GJA5: variants seen among roughly 807,000 people sequenced by gnomAD.
GJA5 encodes gap junction protein alpha 5.
Under a neutral mutation model 7.9 loss-of-function variants are expected in GJA5, and 3 were observed. The ratio of observed to expected loss-of-function variants is 0.38; its 90% CI spans 0.17 to 0.99. GJA5 has a LOEUF of 0.99. Among genes scored for constraint, GJA5 ranks in the 50% least tolerant of loss-of-function variants. The probability of loss-of-function intolerance (pLI) is 0.38; values close to 1 mark genes in which losing one functional copy is unlikely to be tolerated. For synonymous variants in GJA5, 193 were observed against 181.0 expected, an observed-to-expected ratio of 1.07 and a Z score of -0.53; for missense variants, 390 against 457.9, an observed-to-expected ratio of 0.85 and a Z score of 1.35.
chr1:147,771,386 G>C (rs1226243303), intron 1 of GJA5, among the ~76,000 whole-genome samples: 1 of 152,150 alleles, frequency 6.6e-6, no homozygotes, highest in Non-Finnish European at 1.5e-5. Flanking sequence ...GAGCAGGGCA[G>C]GGTGCTCTCC....
chr1:147,758,271 A>G lies in GJA5; in HGVS notation c.968T>C (p.Val323Ala). The G allele has an allele frequency of 6.2e-6, 10 of 1,614,046 alleles. No homozygotes were observed. Among genetic ancestry groups the G allele is most frequent in the East Asian group, 2.2e-5 (1 of 44,868 alleles). Residue 323 changes from valine to alanine, a missense_variant, in exon 2 of 2, where the codon GTG becomes GCG. Val to Ala is a moderately conservative substitution (Grantham distance 64). This residue lies in a region of GJA5 where 354 missense variants were observed against 370.9 expected (regional missense o/e 0.95). Coordinates refer to ENST00000579774, the MANE Select transcript of GJA5 (RefSeq NM_181703.4). ...IQVRYGQKPE[V>A]PNGVSPGHRL... is the part of the protein sequence containing the mutation. ...GTGACCTGGTGAGACTCCATTGGGC[A>G]CCTCAGGCTTCTGGCCATAACGAAC...
At chr1:147,765,848 T>C (rs1557948206) in intron 1 of GJA5, among the ~76,000 whole-genome samples, 1 of 152,092 alleles carries the variant, frequency 6.6e-6, no homozygotes, top group Non-Finnish European at 1.5e-5. Flanking sequence ...AGTCTTTTAG[T>C]AGTGGCTGCA....
intron 1 of GJA5, among the ~76,000 whole-genome samples, chr1:147,759,857 T>C (rs1404499495): frequency 6.6e-6 from 1 of 152,214 alleles, no homozygotes; most frequent in African/African-American, 2.4e-5. Flanking sequence ...AATGTTTAAA[T>C]GGCTGTTGGA....
chr1:147,758,866 A>G lies in GJA5; in HGVS notation c.373T>C (p.Tyr125His), dbSNP rs1553227016. The change falls in exon 2 of 2, where the codon TAC becomes CAC. Residue 125 changes from tyrosine (Y) to histidine (H), a missense_variant. Tyr to His is a moderately conservative substitution (Grantham distance 83). This residue lies in a region of GJA5 where 354 missense variants were observed against 370.9 expected (regional missense o/e 0.95). Coordinates refer to ENST00000579774, the MANE Select transcript of GJA5 (RefSeq NM_181703.4). ...AGTTCTGCCTTCTCTGCCACCGGGTACTCGTAAGAGCCAGAGCCCCGGACC... is the reference window on the plus strand; with the variant it reads ...AGTTCTGCCTTCTCTGCCACCGGGTGCTCGTAAGAGCCAGAGCCCCGGACC... ...KEVRGSGSYE[Y>H]PVAEKAELSC... 3 of 1,614,044 alleles carry G rather than the reference A, an allele frequency of 1.9e-6. No individual in the cohort carries two copies. The highest frequency in any genetic ancestry group is 2.5e-6 in the Non-Finnish European group (3 of 1,179,984).
chr1:147,765,017 G>A (rs1419006135), upstream of GJA5, among the ~76,000 whole-genome samples: 1 of 151,958 alleles, frequency 6.6e-6, no homozygotes, highest in Non-Finnish European at 1.5e-5. Flanking sequence ...GAAAATGTTT[G>A]GCTAGCAGTA....
At chr1:147,763,804 C>T (rs1664103678), upstream of GJA5, among the ~76,000 whole-genome samples, 2 of 55,148 alleles carry the variant, frequency 3.6e-5, no homozygotes, top group Non-Finnish European at 6.7e-5. Context: ...CATTCTGAAT[C>T]CAGTGCTTCT....
At chr1:147,767,225 C>A (rs1465040180) in intron 1 of GJA5, among the ~76,000 whole-genome samples, 1 of 152,030 alleles carries the variant, frequency 6.6e-6, no homozygotes, top group Non-Finnish European at 1.5e-5. Context: ...CTAGTTTACC[C>A]AGTTACACAC....
Position 147,759,286 on chromosome 1 carries a change from G to T in GJA5, c.-33-15C>A. 1 of 1,160,068 alleles carries T rather than the reference G, an allele frequency of 8.6e-7. No homozygotes were observed. Among genetic ancestry groups the T allele is most frequent in the Non-Finnish European group, 1.3e-6 (1 of 770,096 alleles). The allele number at this position is 1,160,068 out of a possible 1,614,324, so 71.9% of individuals were successfully genotyped here. Reference sequence around the variant, plus strand: ...TGCCAAAACTTCTGCAAATGGGAGAGAGAGAAAGAGAGAAAAGAAGAAGGA... The same window carrying T: ...TGCCAAAACTTCTGCAAATGGGAGATAGAGAAAGAGAGAAAAGAAGAAGGA... On this transcript the variant is annotated splice_polypyrimidine_tract_variant and intron_variant, in intron 1 of 1. Coordinates refer to ENST00000579774, the MANE Select transcript of GJA5 (RefSeq NM_181703.4).
At position 147,759,007 on chromosome 1, in the gene GJA5, A is replaced by C. The variant is rs1157264363; in HGVS notation, c.232T>G (p.Trp78Gly). 7 of 1,614,210 alleles carry C rather than the reference A, an allele frequency of 4.3e-6. No homozygotes were observed. The highest frequency in any genetic ancestry group is 5.1e-6 in the Non-Finnish European group (6 of 1,180,022). The change falls in exon 2 of 2, where the codon TGG (tryptophan) becomes GGG (glycine). Residue 78 changes from tryptophan to glycine, a missense_variant. Around this residue, in one of 2 missense-constraint regions of GJA5, gnomAD observed 354 missense variants for 370.9 expected, o/e 0.95. Transcript: ENST00000579774. ...QAFPISHIRYWVLQIIFVSTP... is the reference protein window; with the variant it reads ...QAFPISHIRYGVLQIIFVSTP... ...GAGACGAAGATGATCTGCAGCACCC[A>C]GTAGCGAATGTGGGAGATGGGGAAA...
upstream of GJA5, among the ~76,000 whole-genome samples, chr1:147,760,910 C>T (rs903841124): frequency 1.3e-5 from 2 of 151,784 alleles, no homozygotes; most frequent in East Asian, 1.9e-4. Context: ...GAACCTCACT[C>T]ACAGTGCTCC....
Position 147,758,476 on chromosome 1 carries a change from C to G in GJA5, c.763G>C (p.Val255Leu), listed in dbSNP as rs782455880. The change falls in exon 2 of 2, where the codon GTG becomes CTG. Residue 255 changes from valine to leucine, a missense_variant. This residue lies in a region of GJA5 where 354 missense variants were observed against 370.9 expected (regional missense o/e 0.95). Coordinates refer to ENST00000579774, the MANE Select transcript of GJA5 (RefSeq NM_181703.4). ...GGTGTGCAGCTCTGGACTATGCCCA[C>G]AGAGGGGCCAGAAAGCTGGCACTTA... ...MAKCQLSGPS[V>L]GIVQSCTPPP... The G allele has an allele frequency of 1.2e-6, 2 of 1,614,196 alleles. No homozygotes were observed. The highest frequency in any genetic ancestry group is 1.7e-6 in the Non-Finnish European group (2 of 1,180,014).
At chr1:147,764,631 C>T (rs587708317), upstream of GJA5, among the ~76,000 whole-genome samples, 1 of 152,138 alleles carries the variant, frequency 6.6e-6, no homozygotes, top group East Asian at 1.9e-4. Context: ...TTAAGACCAG[C>T]CTGGCCAACA....
In GJA5 at chr1:147,757,918, A is replaced by C; in HGVS notation, c.*244T>G. On this transcript the variant is annotated 3_prime_UTR_variant, in exon 2 of 2. Coordinates refer to ENST00000579774, the MANE Select transcript of GJA5 (RefSeq NM_181703.4). Reference sequence around the variant, plus strand: ...TCTACCCTGTTTCATGAGTAATCTGAAAGGCTTCGTATACTGGGTAGAGGG... The same window carrying C: ...TCTACCCTGTTTCATGAGTAATCTGCAAGGCTTCGTATACTGGGTAGAGGG... The C allele has an allele frequency of 3.6e-6, 2 of 551,994 alleles. No individual in the cohort carries two copies. Among genetic ancestry groups the C allele is most frequent in the Non-Finnish European group, 6.5e-6 (2 of 307,754 alleles). The allele number at this position is 551,994 out of a possible 1,614,324, so 34.2% of individuals were successfully genotyped here. A position where few individuals can be genotyped will look rare whatever the true frequency, so the allele number is the denominator to read the frequency against.
At chr1:147,769,520 T>C (rs1553228704) in intron 1 of GJA5, among the ~76,000 whole-genome samples, 1 of 152,230 alleles carries the variant, frequency 6.6e-6, no homozygotes, top group Non-Finnish European at 1.5e-5. Flanking sequence ...ATCTGGCATA[T>C]AGGCACTCAA....
At chr1:147,766,414 C>T (rs145386610) in intron 1 of GJA5, among the ~76,000 whole-genome samples, 67 of 152,270 alleles carry the variant, frequency 4.4e-4, no homozygotes, top group African/African-American at 1.6e-3. Flanking sequence ...TGAGAATGCA[C>T]ACAGAGGCCA....
upstream of GJA5, among the ~76,000 whole-genome samples, chr1:147,760,852 T>C (rs1370073288): frequency 3.9e-5 from 6 of 152,058 alleles, no homozygotes; most frequent in Non-Finnish European, 7.4e-5. Context: ...CCCCAGTAAA[T>C]GGAGAGAGCC....
intron 1 of GJA5, among the ~76,000 whole-genome samples, chr1:147,771,439 C>A (rs1189588779): frequency 6.6e-6 from 1 of 152,158 alleles, no homozygotes; most frequent in Non-Finnish European, 1.5e-5. Context: ...TCCTACGAGT[C>A]ATGCCCTTCT....
intron 1 of GJA5, among the ~76,000 whole-genome samples, chr1:147,769,899 A>G (rs1664335454): frequency 6.6e-6 from 1 of 151,934 alleles, no homozygotes; most frequent in South Asian, 2.1e-4. Flanking sequence ...GTTGGACTCC[A>G]CATGGCTCCA....
rs1250286575 is a variant in GJA5, at chr1:147,756,785, A to C, written c.*1377T>G. The C allele has an allele frequency of 6.6e-6, 1 of 152,192 alleles. No homozygotes were observed. The highest frequency in any genetic ancestry group is 2.4e-5 in the African/African-American group (1 of 41,432). The allele number at this position is 152,192 out of a possible 1,614,324, so 9.4% of individuals were successfully genotyped here. ...CCAATTCCAAGCATCGTTTACCTTC[A>C]TCCAAAACAACAGCAACCCATTATG... On this transcript the variant is annotated 3_prime_UTR_variant, in exon 2 of 2. Coordinates refer to ENST00000579774, the MANE Select transcript of GJA5 (RefSeq NM_181703.4).
Sources: gnomAD v4.1 joint callset for allele counts (sites outside exome capture counted in the v4.1 genomes callset) on GRCh38, gnomAD v4.1.1 for gene constraint, gnomAD v4.1.1 regional missense constraint, MANE v1.5 for transcripts, NCBI Gene and HGNC (gene_info 2026-07-23, HGNC 2026-07-21) for gene names.